The following SFMBT1 variants were observed in gnomAD, a reference collection of about 807,000 sequenced individuals.
The protein encoded by SFMBT1 is scm-like with four MBT domains protein 1.
SFMBT1 carries 32 observed loss-of-function variants against 108.7 expected under a neutral mutation model. The ratio of observed to expected loss-of-function variants is 0.29; its 90% CI spans 0.22 to 0.40. The LOEUF is 0.40. Among genes scored for constraint, SFMBT1 ranks in the 10% least tolerant of loss-of-function variants. The pLI, the probability that SFMBT1 is intolerant of heterozygous loss-of-function variation, is 1.00. For synonymous variants in SFMBT1, 348 were observed against 369.5 expected (o/e 0.94, Z 0.67); for missense variants, 816 against 1,059.6 (o/e 0.77, Z 3.19).
chr3:53,033,408 G>A (rs756318118), intron 1 of SFMBT1, among the ~76,000 whole-genome samples: 16 of 152,104 alleles, frequency 1.1e-4, no homozygotes, highest in Admixed American at 2.0e-4. Flanking sequence ...TGATCCACCC[G>A]CCTCGGCCTC....
chr3:53,037,952 A>C (rs1699919406), intron 1 of SFMBT1, among the ~76,000 whole-genome samples: 1 of 152,192 alleles, frequency 6.6e-6, no homozygotes, highest in Non-Finnish European at 1.5e-5. Context: ...CTACCAAAAA[A>C]TACAAAAAAT....
Position 52,911,185 on chromosome 3 carries a change from T to C in SFMBT1, c.1731-7A>G. 6.3e-7 allele frequency: 1 copy of C among 1,592,848 alleles called. No individual in the cohort carries two copies. Among genetic ancestry groups the C allele is most frequent in the Non-Finnish European group, 8.5e-7 (1 of 1,169,918 alleles). ...ATAACTCTTTCCTTTATATCTGCCA[T>C]TGGAAGACATCAGATGCCAAATATA... On this transcript the variant is annotated splice_polypyrimidine_tract_variant and splice_region_variant and intron_variant, in intron 16 of 20. Transcript: ENST00000394752.
At chr3:53,004,780 C>T (rs888363145) in intron 1 of SFMBT1, among the ~76,000 whole-genome samples, 2 of 138,650 alleles carry the variant, frequency 1.4e-5, no homozygotes, top group African/African-American at 5.0e-5. Context: ...ATAGGGCCTC[C>T]ACCTTGATGC....
intron 3 of SFMBT1, among the ~76,000 whole-genome samples, chr3:52,948,138 A>C (rs1703436162): frequency 6.6e-6 from 1 of 152,190 alleles, no homozygotes; most frequent in Admixed American, 6.5e-5. Flanking sequence ...ACTAACATAC[A>C]CCTGGAATTA....
At chr3:53,031,431 C>T (rs925527789) in intron 1 of SFMBT1, among the ~76,000 whole-genome samples, 3 of 151,740 alleles carry the variant, frequency 2.0e-5, no homozygotes, top group African/African-American at 4.8e-5. Flanking sequence ...TCAGTTATCT[C>T]GGAAAAAAAG....
At chr3:53,037,842 C>G (rs761089639) in intron 1 of SFMBT1, among the ~76,000 whole-genome samples, 27 of 152,166 alleles carry the variant, frequency 1.8e-4, no homozygotes, top group Non-Finnish European at 3.8e-4. Flanking sequence ...GGCGCAGTGG[C>G]TCACACCTGT....
At chr3:52,908,727 C>T (rs146263090) in intron 17 of SFMBT1, among the ~76,000 whole-genome samples, 39 of 152,234 alleles carry the variant, frequency 2.6e-4, no homozygotes, top group African/African-American at 8.7e-4. Flanking sequence ...TGCCACCACA[C>T]GCCCAGCTAA....
chr3:53,020,636 G>A (rs1020843702), intron 1 of SFMBT1, among the ~76,000 whole-genome samples: 1 of 152,182 alleles, frequency 6.6e-6, no homozygotes, highest in Non-Finnish European at 1.5e-5. Context: ...TTTGTAGAAT[G>A]AATGGCAGAA....
At chr3:53,035,993 C>T (rs1403811750) in intron 1 of SFMBT1, among the ~76,000 whole-genome samples, 1 of 152,194 alleles carries the variant, frequency 6.6e-6, no homozygotes, top group Non-Finnish European at 1.5e-5. Flanking sequence ...TCCAAGGTGT[C>T]TTTCCTTTTC....
intron 2 of SFMBT1, among the ~76,000 whole-genome samples, chr3:52,960,414 A>G (rs975431755): frequency 8.5e-5 from 13 of 152,220 alleles, no homozygotes; most frequent in Non-Finnish European, 2.9e-5. Context: ...ACTAATCATT[A>G]GGGAAATGCA....
chr3:53,015,363 AAC>A (rs1204833414), intron 1 of SFMBT1, among the ~76,000 whole-genome samples: 1 of 152,180 alleles, frequency 6.6e-6, no homozygotes, highest in African/African-American at 2.4e-5. Flanking sequence ...AATTTGAAAA[AAC>A]AGTTTGGCAG....
chr3:53,026,728 C>A (rs1699505075), intron 1 of SFMBT1, among the ~76,000 whole-genome samples: 1 of 152,136 alleles, frequency 6.6e-6, no homozygotes, highest in Admixed American at 6.5e-5. Flanking sequence ...GAAGAGCTGG[C>A]AAGAACCTCA....
rs1703249053 is a variant in SFMBT1 at position 52,943,340 on chromosome 3, A to AGTATTTCATTACCTTCTGG, written c.358_364+12dup. 1.2e-6 allele frequency: 2 copies of AGTATTTCATTACCTTCTGG among 1,613,978 alleles called. No individual in the cohort carries two copies. On this transcript the variant is annotated intron_variant, in intron 4 of 20. Coordinates refer to ENST00000394752, the MANE Select transcript of SFMBT1 (RefSeq NM_016329.4). Reference sequence around the variant, plus strand: ...AAAATCACGTCACGTCTTGATAGGAAGTATTTCATTACCTTCTGGGGCTTC... The same window carrying AGTATTTCATTACCTTCTGG: ...AAAATCACGTCACGTCTTGATAGGAAGTATTTCATTACCTTCTGGGTATTTCATTACCTTCTGGGGCTTC...
At position 52,912,780 on chromosome 3, in the gene SFMBT1, T is replaced by C. The variant is rs1702247692; in HGVS notation, c.1621-133A>G. The C allele has an allele frequency of 8.9e-6, 6 of 674,452 alleles. No homozygotes were observed. The East Asian group carries it at 1.7e-4, about 19-fold the overall frequency. 41.8% of individuals were successfully genotyped at this position (674,452 alleles called of 1,614,324 possible). A position where few individuals can be genotyped will look rare whatever the true frequency, so the allele number is the denominator to read the frequency against. On this transcript the variant is annotated intron_variant, in intron 15 of 20. Coordinates refer to ENST00000394752, the MANE Select transcript of SFMBT1 (RefSeq NM_016329.4). Reference sequence around the variant, plus strand: ...TCTAGTCATATGAATTAACAAATGTTAACAAAATAATAGTATCAGAGATAT... The same window carrying C: ...TCTAGTCATATGAATTAACAAATGTCAACAAAATAATAGTATCAGAGATAT...
chr3:52,906,280 C>A lies in SFMBT1; in HGVS notation c.2332-39G>T, dbSNP rs777629086. 3 of 1,613,000 alleles carry A rather than the reference C, an allele frequency of 1.9e-6. No homozygotes were observed. The South Asian group carries it at 3.3e-5, about 18-fold the overall frequency. On this transcript the variant is annotated intron_variant, in intron 19 of 20. Coordinates refer to ENST00000394752, the MANE Select transcript of SFMBT1 (RefSeq NM_016329.4). ...AACACAATCAAACCAAATGGTGTTACGGCTATTTTATTCTAAAAAAGTCTC... is the reference window on the plus strand; with the variant it reads ...AACACAATCAAACCAAATGGTGTTAAGGCTATTTTATTCTAAAAAAGTCTC...
At chr3:52,973,575 GA>G (rs1704418931) in intron 1 of SFMBT1, among the ~76,000 whole-genome samples, 1 of 152,010 alleles carries the variant, frequency 6.6e-6, no homozygotes, top group Admixed American at 6.6e-5. Context: ...AGGTTTTTTT[GA>G]AAGACCTAAA....
chr3:52,934,669 A>C, intron 5 of SFMBT1, 144 bp downstream of exon 5: 3 of 548,832 alleles, frequency 5.5e-6, no homozygotes, highest in Non-Finnish European at 6.1e-6. Context: ...CTCTGAGGGT[A>C]AGTTTAAACT....
intron 1 of SFMBT1, among the ~76,000 whole-genome samples, chr3:53,022,639 A>G (rs1165878078): frequency 2.0e-5 from 3 of 152,162 alleles, no homozygotes; most frequent in Non-Finnish European, 4.4e-5. Context: ...ATACTATGCT[A>G]AGTGAAATAA....
intron 1 of SFMBT1, among the ~76,000 whole-genome samples, chr3:53,034,332 T>C (rs953800312): frequency 3.9e-5 from 6 of 152,180 alleles, no homozygotes; most frequent in Non-Finnish European, 8.8e-5. Context: ...ATCCCAACAC[T>C]GTGGGAGGCC....
Sources: allele counts gnomAD v4.1 joint callset (sites outside exome capture counted in the v4.1 genomes callset), GRCh38; gene constraint gnomAD v4.1.1; transcripts MANE v1.5; gene names NCBI Gene and HGNC (gene_info 2026-07-23, HGNC 2026-07-21).